The following VAV3 variants were observed in gnomAD, a reference collection of about 807,000 sequenced individuals.
VAV3 encodes vav guanine nucleotide exchange factor 3.
VAV3 carries 94 observed loss-of-function variants against 131.2 expected under a neutral mutation model. That is an observed-to-expected ratio of 0.72 (90% CI 0.61 to 0.85). VAV3 has a LOEUF of 0.85. Among genes scored for constraint, VAV3 ranks in the 40% least tolerant of loss-of-function variants. VAV3 has a pLI of 0.00. For synonymous variants in VAV3, 349 were observed against 342.0 expected (o/e 1.02, Z -0.22); for missense variants, 939 against 1,002.7 (o/e 0.94, Z 0.86).
chr1:107,727,044 T>C (rs1186782749), intron 15 of VAV3, among the ~76,000 whole-genome samples: 1 of 152,204 alleles, frequency 6.6e-6, no homozygotes, highest in Non-Finnish European at 1.5e-5. Flanking sequence ...TGGGTAGAAA[T>C]AAAAGAGGAT....
intron 9 of VAV3, among the ~76,000 whole-genome samples, chr1:107,763,098 C>T (rs1054014530): frequency 6.6e-6 from 1 of 152,160 alleles, no homozygotes; most frequent in African/African-American, 2.4e-5. Flanking sequence ...GGTAGTTTTC[C>T]TTCTATCATG....
intron 1 of VAV3, among the ~76,000 whole-genome samples, chr1:107,944,416 A>T (rs1451052097): frequency 6.6e-6 from 1 of 152,176 alleles, no homozygotes; most frequent in Non-Finnish European, 1.5e-5. Flanking sequence ...ATTCTAACAA[A>T]AGTTCTTCCA....
intron 15 of VAV3, among the ~76,000 whole-genome samples, chr1:107,708,487 G>A (rs1660586343): frequency 6.6e-6 from 1 of 152,110 alleles, no homozygotes. Context: ...TAACTAATCA[G>A]GCAATCAAAC....
chr1:107,596,842 G>C (rs3790677), intron 24 of VAV3, among the ~76,000 whole-genome samples: 54,259 of 152,110 alleles, frequency 0.36, 10,032 homozygotes, highest in Middle Eastern at 0.42. Flanking sequence ...ACTTGAGACT[G>C]TTTTTAGTTT....
intron 19 of VAV3, among the ~76,000 whole-genome samples, chr1:107,644,821 T>A (rs1309992075): frequency 6.6e-6 from 1 of 151,996 alleles, no homozygotes; most frequent in Non-Finnish European, 1.5e-5. Context: ...CAATGCTGCC[T>A]CATATGTCTT....
At chr1:107,650,935 C>T (rs1224814365) in intron 19 of VAV3, among the ~76,000 whole-genome samples, 7 of 151,964 alleles carry the variant, frequency 4.6e-5, no homozygotes, top group Non-Finnish European at 1.0e-4. Flanking sequence ...GGCACATATA[C>T]ACCATGGAAT....
At chr1:107,688,816 G>A (rs180765190) in intron 17 of VAV3, among the ~76,000 whole-genome samples, 8 of 152,244 alleles carry the variant, frequency 5.3e-5, no homozygotes, top group East Asian at 1.9e-4. Context: ...CTGCATTGAC[G>A]ATTTGTAACA....
intron 2 of VAV3, among the ~76,000 whole-genome samples, chr1:107,848,295 A>G (rs1219050925): frequency 1.4e-5 from 2 of 147,628 alleles, no homozygotes; most frequent in Non-Finnish European, 3.0e-5. Flanking sequence ...CCTGGGCAAC[A>G]GAGCAAGACT....
rs966442015 is a variant in VAV3, at chr1:107,768,474, T to C, written c.684A>G (p.Ala228=). The change falls in exon 7 of 27, where the codon GCA becomes GCG. Residue 228 remains alanine (A), a synonymous_variant. Coordinates refer to ENST00000370056, the MANE Select transcript of VAV3 (RefSeq NM_006113.5). The part of the protein sequence containing the change: ...FMAPLKRFLT[A]AEFDSVFINI... ...TGATGAATACTGAATCAAATTCTGC[T>C]GCTGTCAGAAATCTTTTTAGTGGTG... 2 of 1,612,786 alleles carry C rather than the reference T, an allele frequency of 1.2e-6. No homozygotes were observed. The highest frequency in any genetic ancestry group is 1.7e-6 in the Non-Finnish European group (2 of 1,179,376).
At chr1:107,939,196 T>C (rs186365968) in intron 1 of VAV3, among the ~76,000 whole-genome samples, 5 of 152,350 alleles carry the variant, frequency 3.3e-5, no homozygotes, top group African/African-American at 1.2e-4. Flanking sequence ...ATTTTAAATA[T>C]AAACCTTAGT....
At chr1:107,942,079 C>T (rs964139910) in intron 1 of VAV3, among the ~76,000 whole-genome samples, 1 of 152,106 alleles carries the variant, frequency 6.6e-6, no homozygotes, top group African/African-American at 2.4e-5. Flanking sequence ...CAAGTGATAC[C>T]TGCCTGCCCA....
chr1:107,641,445 A>G (rs1655328857), intron 20 of VAV3, among the ~76,000 whole-genome samples: 2 of 152,148 alleles, frequency 1.3e-5, no homozygotes, highest in Non-Finnish European at 2.9e-5. Context: ...CCTCAACATC[A>G]TTGGGAAATA....
intron 15 of VAV3, among the ~76,000 whole-genome samples, chr1:107,725,856 C>G (rs1557796519): frequency 1.3e-5 from 2 of 152,106 alleles, no homozygotes; most frequent in Non-Finnish European, 2.9e-5. Context: ...CCTGGGTCTC[C>G]TGGGCACCTA....
At chr1:107,573,747 G>A (rs1301628790) in intron 26 of VAV3, among the ~76,000 whole-genome samples, 1 of 152,174 alleles carries the variant, frequency 6.6e-6, no homozygotes, top group Admixed American at 6.5e-5. Context: ...TACACATAAA[G>A]TTTAGCTCTA....
intron 2 of VAV3, among the ~76,000 whole-genome samples, chr1:107,793,322 T>C (rs1666387894): frequency 6.6e-6 from 1 of 152,136 alleles, no homozygotes; most frequent in African/African-American, 2.4e-5. Flanking sequence ...GCTACATAAA[T>C]TGTAGAGCCA....
chr1:107,668,210 G>A (rs1360021586), intron 19 of VAV3, among the ~76,000 whole-genome samples: 1 of 152,130 alleles, frequency 6.6e-6, no homozygotes, highest in East Asian at 1.9e-4. Context: ...ATTGTAGCCA[G>A]CCTGGCTAAA....
At chr1:107,701,957 T>C (rs909938232) in intron 17 of VAV3, among the ~76,000 whole-genome samples, 10 of 152,342 alleles carry the variant, frequency 6.6e-5, no homozygotes, top group African/African-American at 2.4e-4. Flanking sequence ...CCCTCCAAAC[T>C]GTTCCAACCT....
At chr1:107,718,132 T>G (rs1231479127) in intron 15 of VAV3, among the ~76,000 whole-genome samples, 1 of 152,152 alleles carries the variant, frequency 6.6e-6, no homozygotes, top group Non-Finnish European at 1.5e-5. Flanking sequence ...AAGCATTCCC[T>G]TTGAAAACTG....
chr1:107,839,427 A>G (rs1214119074), intron 2 of VAV3, among the ~76,000 whole-genome samples: 1 of 152,192 alleles, frequency 6.6e-6, no homozygotes, highest in Non-Finnish European at 1.5e-5. Context: ...ACACTCAAGT[A>G]ACTTATGAGT....
Sources: gnomAD v4.1 joint callset for allele counts (sites outside exome capture counted in the v4.1 genomes callset) on GRCh38, gnomAD v4.1.1 for gene constraint, MANE v1.5 for transcripts, NCBI Gene and HGNC (gene_info 2026-07-23, HGNC 2026-07-21) for gene names.